Variants in WDFY3 observed in about 807,000 individuals in gnomAD.
WDFY3 encodes WD repeat and FYVE domain-containing protein 3.
WDFY3 carries 66 observed loss-of-function variants against 409.6 expected under a neutral mutation model. That is an observed-to-expected ratio of 0.16 (90% CI 0.13 to 0.20). The LOEUF is 0.20. WDFY3 is among the 10% of genes least tolerant of loss of function. The probability of loss-of-function intolerance (pLI) is 1.00; values close to 1 mark genes in which losing one functional copy is unlikely to be tolerated. For missense variants in WDFY3, 3,031 were observed against 4,298.1 expected, an observed-to-expected ratio of 0.71 and a Z score of 8.24; for synonymous variants, 1,521 against 1,537.1, an observed-to-expected ratio of 0.99 and a Z score of 0.25.
chr4:84,703,714 T>C (rs1466629453), intron 55 of WDFY3, among the ~76,000 whole-genome samples: 1 of 152,222 alleles, frequency 6.6e-6, no homozygotes, highest in African/African-American at 2.4e-5. Flanking sequence ...AGACCTACTC[T>C]GACCACTCTA....
chr4:84,904,987 CTT>C (rs1024773500), intron 2 of WDFY3, among the ~76,000 whole-genome samples: 11 of 150,286 alleles, frequency 7.3e-5, no homozygotes, highest in South Asian at 4.2e-4. Flanking sequence ...TCTTTTATCT[CTT>C]TGTCTTGTGT....
At chr4:84,704,176 TCAATTTTGGTC>T (rs1731545617) in intron 55 of WDFY3, among the ~76,000 whole-genome samples, 151 bp downstream of exon 55, 1 of 152,248 alleles carries the variant, frequency 6.6e-6, no homozygotes, top group Non-Finnish European at 1.5e-5. Context: ...AGTTCATTAA[TCAATTTTGGTC>T]CAACAAAATT....
At chr4:84,726,797 A>C (rs1735729061) in intron 45 of WDFY3, 64 bp downstream of exon 45, 2 of 1,506,864 alleles carry the variant, frequency 1.3e-6, no homozygotes, top group Non-Finnish European at 1.8e-6. Flanking sequence ...TTAAAAAAAA[A>C]ACCAGAAAAC....
chr4:84,960,935 A>G (rs1177043090), intron 1 of WDFY3, among the ~76,000 whole-genome samples: 3 of 152,174 alleles, frequency 2.0e-5, no homozygotes, highest in Non-Finnish European at 2.9e-5. Flanking sequence ...TGAAATTTCA[A>G]AGACAGATTT....
intron 2 of WDFY3, among the ~76,000 whole-genome samples, chr4:84,908,693 C>T (rs184027775): frequency 7.9e-5 from 12 of 152,020 alleles, no homozygotes; most frequent in East Asian, 1.9e-4. Context: ...TTTTTCTTTC[C>T]CTTTTAGAAT....
At chr4:84,863,178 A>G (rs1344992279) in intron 3 of WDFY3, among the ~76,000 whole-genome samples, 3 of 152,276 alleles carry the variant, frequency 2.0e-5, no homozygotes, top group Non-Finnish European at 4.4e-5. Flanking sequence ...GTGCTGCAAC[A>G]AACATGGGAG....
intron 3 of WDFY3, among the ~76,000 whole-genome samples, chr4:84,867,976 C>T (rs1371488033): frequency 1.3e-5 from 2 of 151,800 alleles, no homozygotes; most frequent in Non-Finnish European, 2.9e-5. Context: ...CAAGATCATC[C>T]TGGCCAACAT....
chr4:84,752,778 GAAGA>G (rs1184455073), intron 35 of WDFY3, among the ~76,000 whole-genome samples: 2 of 152,094 alleles, frequency 1.3e-5, no homozygotes, highest in East Asian at 3.9e-4. Flanking sequence ...GTGGAAATAT[GAAGA>G]AACATCATGA....
intron 67 of WDFY3, among the ~76,000 whole-genome samples, chr4:84,675,012 G>C (rs1726027610): frequency 6.6e-6 from 1 of 151,538 alleles, no homozygotes; most frequent in South Asian, 2.1e-4. Context: ...TGTTGCTCAG[G>C]CTGGATGGAG....
chr4:84,762,569 T>C (rs1742844809), intron 32 of WDFY3, among the ~76,000 whole-genome samples: 1 of 151,734 alleles, frequency 6.6e-6, no homozygotes, highest in Non-Finnish European at 1.5e-5. Flanking sequence ...CATATGTAAC[T>C]AACCTGCACA....
At chr4:84,675,387 T>A (rs560260274) in intron 67 of WDFY3, among the ~76,000 whole-genome samples, 1 of 152,300 alleles carries the variant, frequency 6.6e-6, no homozygotes, top group South Asian at 2.1e-4. Context: ...TGAACCAGAC[T>A]GCCCAGCAGA....
chr4:84,857,338 C>G (rs1195171158), intron 4 of WDFY3, among the ~76,000 whole-genome samples: 1 of 152,116 alleles, frequency 6.6e-6, no homozygotes, highest in Non-Finnish European at 1.5e-5. Context: ...TTCTTCTAGT[C>G]TAGTAGACTG....
At chr4:84,683,879 C>T (rs1379583611) in intron 63 of WDFY3, 64 bp downstream of exon 63, 1 of 1,496,228 alleles carries the variant, frequency 6.7e-7, no homozygotes, top group East Asian at 2.3e-5. Flanking sequence ...CTGTAATTAG[C>T]TACAAGTTTC....
chr4:84,780,211 GC>G lies in WDFY3; in HGVS notation c.4261del (p.Ala1421ProfsTer23), dbSNP rs748107597. 6.2e-7 allele frequency: 1 copy of G among 1,613,982 alleles called. No individual in the cohort carries two copies. Among genetic ancestry groups the G allele is most frequent in the African/African-American group, 1.3e-5 (1 of 75,002 alleles). ...AAAILGLVAM[A>X]SDVEGLYAAV... Reference sequence around the variant, plus strand: ...TGCATATAACCCTTCCACATCAGAGGCCATGGCCACCAGGCCCAGGATGGCT... The same window carrying G: ...TGCATATAACCCTTCCACATCAGAGGCATGGCCACCAGGCCCAGGATGGCT... On this transcript the variant is annotated frameshift_variant, in exon 26 of 68. Transcript: ENST00000295888. LOFTEE classifies it high-confidence loss of function.
chr4:84,730,521 T>C (rs1160432005), intron 44 of WDFY3, among the ~76,000 whole-genome samples: 1 of 152,164 alleles, frequency 6.6e-6, no homozygotes, highest in African/African-American at 2.4e-5. Flanking sequence ...TACTCCTACC[T>C]TACTACACTA....
At chr4:84,931,566 T>C (rs1258447357) in intron 2 of WDFY3, among the ~76,000 whole-genome samples, 3 of 152,166 alleles carry the variant, frequency 2.0e-5, no homozygotes, top group Non-Finnish European at 4.4e-5. Context: ...AATCTGATTG[T>C]CTTTAGTCCT....
At chr4:84,758,391 A>G (rs1054669190) in intron 32 of WDFY3, among the ~76,000 whole-genome samples, 1 of 152,082 alleles carries the variant, frequency 6.6e-6, no homozygotes, top group Non-Finnish European at 1.5e-5. Flanking sequence ...CACTACAGGC[A>G]CATGCAACCA....
intron 67 of WDFY3, among the ~76,000 whole-genome samples, chr4:84,674,671 G>A (rs572911908): frequency 1.1e-4 from 16 of 151,196 alleles, no homozygotes; most frequent in African/African-American, 2.7e-4. Context: ...AGTTCGAGAC[G>A]AGCCTGGCCA....
At position 84,795,759 on chromosome 4, in the gene WDFY3, C is replaced by T. The variant is rs535376470; in HGVS notation, c.3167+762G>A. Reference sequence around the variant, plus strand: ...CCTGGGTGACAGGGCAAGACTCTGACTCAAAAGGAAAAAAAAAAAACAAAA... The same window carrying T: ...CCTGGGTGACAGGGCAAGACTCTGATTCAAAAGGAAAAAAAAAAAACAAAA... On this transcript the variant is annotated intron_variant, in intron 19 of 67. Transcript: ENST00000295888. 1.9e-3 allele frequency among the ~76,000 whole-genome samples: 279 copies of T among 150,700 alleles called. 2 individuals are homozygous for T. The highest frequency in any genetic ancestry group is 6.5e-3 in the African/African-American group (267 of 41,120).
Sources: allele counts gnomAD v4.1 joint callset (sites outside exome capture counted in the v4.1 genomes callset), GRCh38; gene constraint gnomAD v4.1.1; transcripts MANE v1.5; gene names NCBI Gene and HGNC (gene_info 2026-07-23, HGNC 2026-07-21).